The following HAL variants were observed in gnomAD, a reference collection of about 807,000 sequenced individuals.
HAL encodes the protein histidase.
Under a neutral mutation model 81.1 loss-of-function variants are expected in HAL, and 85 were observed. The ratio of observed to expected loss-of-function variants is 1.05; its 90% CI spans 0.88 to 1.25. HAL has a LOEUF of 1.25. Ranked by LOEUF, HAL falls within the 50% of genes most tolerant of loss-of-function variation. The probability of loss-of-function intolerance (pLI) is 0.00; values close to 1 mark genes in which losing one functional copy is unlikely to be tolerated. For synonymous variants in HAL, 301 were observed against 309.2 expected, an observed-to-expected ratio of 0.97 and a Z score of 0.28; for missense variants, 798 against 836.6, an observed-to-expected ratio of 0.95 and a Z score of 0.57.
intron 11 of HAL, 108 bp downstream of exon 11, chr12:95,988,085 A>C: frequency 1.3e-6 from 1 of 748,246 alleles, no homozygotes; most frequent in Non-Finnish European, 2.4e-6. Context: ...ACTTTAAGCA[A>C]ACATGCAAGT....
At chr12:95,984,126 G>A in intron 14 of HAL, 135 bp from the exon 15 acceptor site, 1 of 588,812 alleles carries the variant, frequency 1.7e-6, no homozygotes, top group Non-Finnish European at 3.1e-6. Context: ...TTATAACCAT[G>A]GAAATTATTT....
chr12:95,987,420 C>G (rs1281873550), intron 11 of HAL, among the ~76,000 whole-genome samples: 1 of 152,166 alleles, frequency 6.6e-6, no homozygotes, highest in Non-Finnish European at 1.5e-5. Context: ...CTCGTAAGCA[C>G]AAATCTGGCA....
rs1389517627 is a variant in HAL at position 95,985,987 on chromosome 12, A to G, written c.1148-21T>C. ...ACTCTCTGTGGAAGAGGTGGAGGGG[A>G]TGAGACAGGGATCATGTTACCAATT... On this transcript the variant is annotated intron_variant, in intron 13 of 20. Coordinates refer to ENST00000261208, the MANE Select transcript of HAL (RefSeq NM_002108.4). The G allele has an allele frequency of 2.5e-6, 4 of 1,603,744 alleles. No homozygotes were observed. The Admixed American group carries it at 6.7e-5, about 27-fold the overall frequency.
chr12:95,981,908 G>C (rs2080799540), intron 15 of HAL, among the ~76,000 whole-genome samples: 1 of 152,196 alleles, frequency 6.6e-6, no homozygotes. Context: ...AGAACTTGCT[G>C]TGTGCAAGAA....
chr12:95,974,156 A>G lies in HAL; in HGVS notation c.*76T>C. Reference sequence around the variant, plus strand: ...GATTGATCTACCTAGGAAAGTTCTCAGGTCTCTCCTTCAGCCTAGTATTGC... The same window carrying G: ...GATTGATCTACCTAGGAAAGTTCTCGGGTCTCTCCTTCAGCCTAGTATTGC... On this transcript the variant is annotated 3_prime_UTR_variant, in exon 21 of 21. Coordinates refer to ENST00000261208, the MANE Select transcript of HAL (RefSeq NM_002108.4). 7.7e-7 allele frequency: 1 copy of G among 1,298,284 alleles called. No individual in the cohort carries two copies. The highest frequency in any genetic ancestry group is 2.3e-5 in the East Asian group (1 of 43,464). 80.4% of individuals were successfully genotyped at this position (1,298,284 alleles called of 1,614,324 possible).
At chr12:95,990,659 A>T (rs73216231) in intron 9 of HAL, 127 bp from the exon 10 acceptor site, 86,026 of 771,002 alleles carry the variant, frequency 0.11, 5,396 homozygotes, top group Non-Finnish European at 0.13. Context: ...TATGGCATAG[A>T]TACCTGGGGA....
At position 95,976,613 on chromosome 12, in the gene HAL, A is replaced by G. The variant is rs1249546927; in HGVS notation, c.1748T>C (p.Val583Ala). 8 of 1,607,990 alleles carry G rather than the reference A, an allele frequency of 5.0e-6. No individual in the cohort carries two copies. The highest frequency in any genetic ancestry group is 6.8e-6 in the Non-Finnish European group (8 of 1,174,472). ...TTGATCTTACCTTACAACAGAGCGC[A>G]CCAGGTCATAGACCTTCTCCAGCGG... is the stretch of plus-strand genomic sequence containing the variant. ...TTPLEKVYDL[V>A]RSVVRPWIKD... Residue 583 changes from valine (V) to alanine (A), a missense_variant, in exon 19 of 21, where the codon GTG becomes GCG. By Grantham distance (64) the Val-to-Ala change is moderately conservative. Transcript: ENST00000261208.
chr12:95,975,347 CTTTTT>C (rs35532808), intron 20 of HAL, among the ~76,000 whole-genome samples: 1 of 141,990 alleles, frequency 7.0e-6, no homozygotes, highest in Non-Finnish European at 1.5e-5. Flanking sequence ...CCTCTTTTTT[CTTTTT>C]TTTTTTTTTT....
intron 15 of HAL, chr12:95,983,563 C>T (rs748444742): frequency 1.1e-5 from 4 of 352,668 alleles, no homozygotes; most frequent in Admixed American, 4.3e-5. Context: ...TTGTGACCCA[C>T]GTCTTCACCC....
intron 20 of HAL, among the ~76,000 whole-genome samples, chr12:95,975,587 C>A (rs2080708988): frequency 6.6e-6 from 1 of 152,120 alleles, no homozygotes; most frequent in South Asian, 2.1e-4. Context: ...AACTGATTGC[C>A]ACTGACAGCC....
chr12:95,989,217 T>C (rs571813289), intron 10 of HAL, among the ~76,000 whole-genome samples: 1 of 152,252 alleles, frequency 6.6e-6, no homozygotes, highest in Non-Finnish European at 1.5e-5. Context: ...CACCTGTCTC[T>C]GTAACCCAGG....
In HAL at chr12:95,993,848, A is replaced by G; in HGVS notation, c.485-10T>C. 1 of 1,529,554 alleles carries G rather than the reference A, an allele frequency of 6.5e-7. No individual in the cohort carries two copies. The highest frequency in any genetic ancestry group is 9.1e-7 in the Non-Finnish European group (1 of 1,103,062). 94.7% of individuals were successfully genotyped at this position (1,529,554 alleles called of 1,614,324 possible). A position where few individuals can be genotyped will look rare whatever the true frequency, so the allele number is the denominator to read the frequency against. On this transcript the variant is annotated splice_polypyrimidine_tract_variant and intron_variant, in intron 6 of 20. Coordinates refer to ENST00000261208, the MANE Select transcript of HAL (RefSeq NM_002108.4). ...GTAATACCGTAAACAACTAGAATAA[A>G]AAGAGACATTATGCAATTAAATGCA... is the stretch of plus-strand genomic sequence containing the variant.
rs1950031637 is a variant in HAL, at chr12:95,995,956, A to G, written c.-46T>C. ...TCCTCAGCTGGTCACAGGAGGGGAG[A>G]GCTTTATGCAGGAGTGGCTACCGGG... On this transcript the variant is annotated 5_prime_UTR_variant, in exon 2 of 21. Transcript: ENST00000261208. 1 of 1,594,822 alleles carries G rather than the reference A, an allele frequency of 6.3e-7. No individual in the cohort carries two copies. Among genetic ancestry groups the G allele is most frequent in the Non-Finnish European group, 8.5e-7 (1 of 1,176,714 alleles).
At chr12:95,995,542 A>G (rs1592853040) in intron 2 of HAL, 122 bp downstream of exon 2, 1 of 1,370,238 alleles carries the variant, frequency 7.3e-7, no homozygotes, top group Admixed American at 1.7e-5. Context: ...GTGCCTGCAC[A>G]GGGCCAGCCT....
At chr12:95,992,848 C>T in intron 8 of HAL, 43 bp from the exon 9 acceptor site, 2 of 1,596,658 alleles carry the variant, frequency 1.3e-6, no homozygotes, top group Non-Finnish European at 1.7e-6. Context: ...AAGCAAACTC[C>T]TTTTTGTCTC....
At chr12:95,978,890 C>A (rs1335575628) in intron 17 of HAL, among the ~76,000 whole-genome samples, 2 of 152,184 alleles carry the variant, frequency 1.3e-5, no homozygotes, top group African/African-American at 4.8e-5. Context: ...TTCTATGCTG[C>A]ATGGGATCGC....
At chr12:95,992,634 A>G (rs983468041) in intron 9 of HAL, 46 bp downstream of exon 9, 31 of 1,553,518 alleles carry the variant, frequency 2.0e-5, no homozygotes, top group Non-Finnish European at 2.8e-5. Context: ...CCTGTGGTAC[A>G]TGTCCAGCCT....
In HAL at chr12:95,980,658, G is replaced by A. The variant is rs749943110; in HGVS notation, c.1417C>T (p.Arg473Trp). 7 of 1,613,652 alleles carry A rather than the reference G, an allele frequency of 4.3e-6. No homozygotes were observed. Among genetic ancestry groups the A allele is most frequent in the Non-Finnish European group, 5.1e-6 (6 of 1,179,648 alleles). Reference protein sequence around the residue: ...LAAISERRIERLCNPSLSELP... With the variant: ...LAAISERRIEWLCNPSLSELP... ...TCACTGAGGGAGGGATTGCAGAGCC[G>A]CTCGATTCTTCTCTCACTGATTGCA... Residue 473 changes from arginine to tryptophan, a missense_variant, in exon 17 of 21, where the codon CGG becomes TGG. By Grantham distance (101) the Arg-to-Trp change is moderately radical. Transcript: ENST00000261208.
Position 95,993,714 on chromosome 12 carries a change from A to G in HAL, c.551+58T>C, listed in dbSNP as rs184153827. On this transcript the variant is annotated intron_variant, in intron 7 of 20. Transcript: ENST00000261208. ...AAATGTGAATTATTTCCCTTGTTGA[A>G]AAATATTTAAAAGATGAGGGTAGGT... 9.1e-5 allele frequency: 93 copies of G among 1,016,580 alleles called. 1 individual carries two copies. The African/African-American group carries it at 1.4e-3, about 16-fold the overall frequency. The allele number at this position is 1,016,580 out of a possible 1,614,324, so 63.0% of individuals were successfully genotyped here. A position where few individuals can be genotyped will look rare whatever the true frequency, so the allele number is the denominator to read the frequency against.
Sources: gnomAD v4.1 joint callset for allele counts (sites outside exome capture counted in the v4.1 genomes callset) on GRCh38, gnomAD v4.1.1 for gene constraint, MANE v1.5 for transcripts, NCBI Gene and HGNC (gene_info 2026-07-23, HGNC 2026-07-21) for gene names.